The following BACH2 variants were observed in gnomAD, a reference collection of about 807,000 sequenced individuals.
The protein encoded by BACH2 is transcription regulator protein BACH2.
A neutral mutation model predicts 61.8 loss-of-function variants in BACH2; 5 were observed. That is an observed-to-expected ratio of 0.08 (90% CI 0.04 to 0.17). The LOEUF (loss-of-function observed/expected upper bound fraction) is 0.17, where lower values mean the gene tolerates loss of function less well. Ranked by LOEUF, BACH2 falls within the 10% of genes least tolerant of loss-of-function variation. The probability of loss-of-function intolerance (pLI) is 1.00; values close to 1 mark genes in which losing one functional copy is unlikely to be tolerated. For synonymous variants in BACH2, 446 were observed against 440.1 expected (o/e 1.01, Z -0.17); for missense variants, 824 against 1,091.1 (o/e 0.76, Z 3.45).
At chr6:89,998,404 G>T (rs574582843) in intron 6 of BACH2, among the ~76,000 whole-genome samples, 1 of 152,262 alleles carries the variant, frequency 6.6e-6, no homozygotes, top group Non-Finnish European at 1.5e-5. Flanking sequence ...GCCAATGTCA[G>T]TTACAGAGAC....
chr6:90,073,842 GA>G, intron 5 of BACH2, among the ~76,000 whole-genome samples: 1 of 152,274 alleles, frequency 6.6e-6, no homozygotes, highest in East Asian at 1.9e-4. Context: ...GAAGTATTTA[GA>G]GAATTATTAT....
At position 90,081,443 on chromosome 6, in the gene BACH2, C is replaced by T. The variant is rs190651679; in HGVS notation, c.-13+7518G>A. 2.3e-3 allele frequency among the ~76,000 whole-genome samples: 354 copies of T among 152,280 alleles called. 1 individual carries two copies. Among genetic ancestry groups the T allele is most frequent in the Non-Finnish European group, 3.6e-3 (246 of 68,000 alleles). ...AACCAACCAGGGCATTCAACACAAT[C>T]GCAGATGCTACCCAAACACCCTTCA... On this transcript the variant is annotated intron_variant, in intron 5 of 8. Transcript: ENST00000257749.
At chr6:90,127,454 T>A (rs2127822074) in intron 4 of BACH2, among the ~76,000 whole-genome samples, 1 of 152,302 alleles carries the variant, frequency 6.6e-6, no homozygotes, top group East Asian at 1.9e-4. Flanking sequence ...GGGGTAGAGC[T>A]GTTTATTATA....
At chr6:90,122,845 G>A (rs1783686473) in intron 4 of BACH2, among the ~76,000 whole-genome samples, 2 of 152,192 alleles carry the variant, frequency 1.3e-5, no homozygotes, top group Admixed American at 1.3e-4. Context: ...GACTGCCCAT[G>A]GCAATGGTTC....
intron 5 of BACH2, among the ~76,000 whole-genome samples, chr6:90,036,076 C>T (rs1375302839): frequency 1.3e-5 from 2 of 151,808 alleles, no homozygotes; most frequent in African/African-American, 2.4e-5. Context: ...AACTGTAGCT[C>T]TTCATGTATT....
intron 5 of BACH2, among the ~76,000 whole-genome samples, chr6:90,085,423 G>A (rs1405345112): frequency 6.6e-6 from 1 of 152,156 alleles, no homozygotes; most frequent in Non-Finnish European, 1.5e-5. Context: ...TGCATGGACT[G>A]GTTTACAAAC....
At chr6:90,178,417 A>G (rs909320297) in intron 4 of BACH2, among the ~76,000 whole-genome samples, 10 of 152,186 alleles carry the variant, frequency 6.6e-5, no homozygotes, top group South Asian at 4.1e-4. Context: ...TTGAAGGGAA[A>G]AAATCTGTTT....
intron 4 of BACH2, among the ~76,000 whole-genome samples, chr6:90,127,731 T>C (rs1783914928): frequency 6.6e-6 from 1 of 152,186 alleles, no homozygotes; most frequent in African/African-American, 2.4e-5. Context: ...TGGAAGATGT[T>C]GTACAGACTC....
chr6:90,048,130 T>A (rs1311395172), intron 5 of BACH2, among the ~76,000 whole-genome samples: 3 of 152,102 alleles, frequency 2.0e-5, no homozygotes, highest in African/African-American at 4.8e-5. Flanking sequence ...TCTATTTTTT[T>A]TTTATTTATA....
chr6:90,167,695 T>C (rs1038030774), intron 4 of BACH2, among the ~76,000 whole-genome samples: 12 of 152,214 alleles, frequency 7.9e-5, no homozygotes, highest in Non-Finnish European at 1.8e-4. Flanking sequence ...TGGAGCTTCA[T>C]CTGTAAGGGC....
At position 90,294,454 on chromosome 6, in the gene BACH2, A is replaced by G. The variant is rs1582575929; in HGVS notation, c.-446+2026T>C. Among the ~76,000 whole-genome samples, 3 of 152,246 alleles carry G rather than the reference A, an allele frequency of 2.0e-5. No homozygotes were observed. The East Asian group carries it at 5.8e-4, about 29-fold the overall frequency. Reference sequence around the variant, plus strand: ...AATCAATAAATTTCTTTCAAAAACCAGAATACTAGAAGGGAAAACATTTCA... The same window carrying G: ...AATCAATAAATTTCTTTCAAAAACCGGAATACTAGAAGGGAAAACATTTCA... On this transcript the variant is annotated intron_variant, in intron 1 of 8. Coordinates refer to ENST00000257749, the MANE Select transcript of BACH2 (RefSeq NM_021813.4).
At chr6:89,994,739 C>T (rs913419625) in intron 6 of BACH2, among the ~76,000 whole-genome samples, 3 of 152,188 alleles carry the variant, frequency 2.0e-5, no homozygotes, top group African/African-American at 7.2e-5. Flanking sequence ...CCTGATCTTC[C>T]TTCCCTTTCA....
chr6:90,188,039 T>C (rs1562494170), intron 4 of BACH2, among the ~76,000 whole-genome samples: 1 of 152,106 alleles, frequency 6.6e-6, no homozygotes, highest in Non-Finnish European at 1.5e-5. Flanking sequence ...TAGGTTGCTG[T>C]CATCAAGCCT....
At chr6:89,964,607 C>G (rs16882297) in intron 6 of BACH2, among the ~76,000 whole-genome samples, 8,735 of 152,254 alleles carry the variant, frequency 0.057, 342 homozygotes, top group East Asian at 0.21. Flanking sequence ...ACCCGAATAG[C>G]AGTTCTACCT....
At chr6:90,189,727 T>C (rs1768500082) in intron 4 of BACH2, among the ~76,000 whole-genome samples, 1 of 151,756 alleles carries the variant, frequency 6.6e-6, no homozygotes, top group Non-Finnish European at 1.5e-5. Flanking sequence ...GAGGAGGTGC[T>C]CAAGTATTTT....
chr6:90,016,145 G>A (rs1041370885), intron 5 of BACH2, among the ~76,000 whole-genome samples: 1 of 151,898 alleles, frequency 6.6e-6, no homozygotes, highest in African/African-American at 2.4e-5. Flanking sequence ...ACCTTTTTGT[G>A]TTTTTATATT....
intron 4 of BACH2, among the ~76,000 whole-genome samples, chr6:90,198,972 T>A (rs1768862667): frequency 6.6e-6 from 1 of 151,750 alleles, no homozygotes; most frequent in African/African-American, 2.4e-5. Flanking sequence ...TAAAGGGGAG[T>A]TCCCCTGCAC....
intron 4 of BACH2, among the ~76,000 whole-genome samples, chr6:90,159,477 C>T (rs1785114275): frequency 6.6e-6 from 1 of 152,170 alleles, no homozygotes; most frequent in South Asian, 2.1e-4. Context: ...ACCTCATAGA[C>T]TACACAAATC....
chr6:90,154,827 C>A (rs1479144599), intron 4 of BACH2, among the ~76,000 whole-genome samples: 1 of 152,184 alleles, frequency 6.6e-6, no homozygotes, highest in Non-Finnish European at 1.5e-5. Context: ...AGGGTCCTGT[C>A]CGTAGAAAGA....
Sources: allele counts gnomAD v4.1 joint callset (sites outside exome capture counted in the v4.1 genomes callset), GRCh38; gene constraint gnomAD v4.1.1; transcripts MANE v1.5; gene names NCBI Gene and HGNC (gene_info 2026-07-23, HGNC 2026-07-21).